The following TINAG variants were observed in gnomAD, a reference collection of about 807,000 sequenced individuals.
TINAG encodes the protein tubulointerstitial nephritis antigen.
In TINAG, 83 loss-of-function variants were observed where a neutral mutation model predicts 72.7. That is an observed-to-expected ratio of 1.14 (90% confidence interval 0.96 to 1.37). TINAG has a LOEUF of 1.37. Ranked by LOEUF, TINAG falls within the 40% of genes most tolerant of loss-of-function variation. The pLI is 0.00. For synonymous variants in TINAG, 234 were observed against 189.9 expected (o/e 1.23, Z -1.91); for missense variants, 685 against 576.6 (o/e 1.19, Z -1.93).
At chr6:54,328,781 A>T (rs1784668343) in intron 4 of TINAG, among the ~76,000 whole-genome samples, 1 of 151,916 alleles carries the variant, frequency 6.6e-6, no homozygotes, top group Admixed American at 6.6e-5. Context: ...AACATAAATG[A>T]CCTGATGGAG....
intron 7 of TINAG, among the ~76,000 whole-genome samples, chr6:54,351,057 A>G (rs1429011344): frequency 6.6e-6 from 1 of 152,058 alleles, no homozygotes; most frequent in African/African-American, 2.4e-5. Flanking sequence ...GAAAAAAATT[A>G]GAGGTACTAG....
chr6:54,348,316 C>T (rs1222907748), intron 6 of TINAG, among the ~76,000 whole-genome samples: 2 of 152,076 alleles, frequency 1.3e-5, no homozygotes, highest in Non-Finnish European at 2.9e-5. Context: ...TGGGCTGATA[C>T]TTTCCTTGTG....
At chr6:54,311,320 A>T (rs1042077798) in intron 1 of TINAG, among the ~76,000 whole-genome samples, 1 of 152,096 alleles carries the variant, frequency 6.6e-6, no homozygotes, top group African/African-American at 2.4e-5. Context: ...GTGGGTGGAC[A>T]CCTAAGTTGT....
At chr6:54,389,502 A>G (rs945548895) in intron 10 of TINAG, among the ~76,000 whole-genome samples, 1 of 152,198 alleles carries the variant, frequency 6.6e-6, no homozygotes, top group Non-Finnish European at 1.5e-5. Flanking sequence ...CTATAACTGC[A>G]GCTTGCATGC....
At chr6:54,343,905 AATT>A (rs1249567357) in intron 5 of TINAG, among the ~76,000 whole-genome samples, 1 of 152,134 alleles carries the variant, frequency 6.6e-6, no homozygotes, top group Non-Finnish European at 1.5e-5. Flanking sequence ...ATAGCTTCTA[AATT>A]AAGTCTACTG....
chr6:54,388,164 T>C (rs1288661354), intron 10 of TINAG, among the ~76,000 whole-genome samples: 1 of 152,132 alleles, frequency 6.6e-6, no homozygotes, highest in Non-Finnish European at 1.5e-5. Flanking sequence ...ATTTGTTAGG[T>C]TGTGACTAAT....
Position 54,347,375 on chromosome 6 carries a change from G to T in TINAG, c.757G>T (p.Ala253Ser), listed in dbSNP as rs763918929. Residue 253 changes from alanine to serine, a missense_variant, in exon 6 of 11, where the codon GCT becomes TCT. Transcript: ENST00000259782. Reference sequence around the variant, plus strand: ...TATTCTATTTGAAACAGGTGTGGCTGCTGACCGAATAGCAATTCAGTCTAA... The same window carrying T: ...TATTCTATTTGAAACAGGTGTGGCTTCTGACCGAATAGCAATTCAGTCTAA... ...SWAFSTASVAADRIAIQSKGR... is the reference protein window; with the variant it reads ...SWAFSTASVASDRIAIQSKGR... 4 of 1,612,438 alleles carry T rather than the reference G, an allele frequency of 2.5e-6. No homozygotes were observed. Among genetic ancestry groups the T allele is most frequent in the Non-Finnish European group, 3.4e-6 (4 of 1,179,146 alleles).
chr6:54,365,590 A>C (rs1420151216), intron 9 of TINAG: 1 of 151,592 alleles, frequency 6.6e-6, no homozygotes, highest in Non-Finnish European at 1.5e-5. Context: ...CTCAGAAACA[A>C]TCCACAACTC....
chr6:54,331,580 T>C (rs1274931196), intron 4 of TINAG, among the ~76,000 whole-genome samples: 2 of 152,228 alleles, frequency 1.3e-5, no homozygotes. Context: ...ACCACTTTTA[T>C]TCAACATAGT....
At position 54,326,882 on chromosome 6, in the gene TINAG, C is replaced by A. The variant is rs745676068; in HGVS notation, c.590C>A (p.Pro197His). 1 of 1,612,742 alleles carries A rather than the reference C, an allele frequency of 6.2e-7. No homozygotes were observed. The highest frequency in any genetic ancestry group is 8.5e-7 in the Non-Finnish European group (1 of 1,179,780). Residue 197 changes from proline to histidine, a missense_variant, in exon 4 of 11, where the codon CCT (proline) becomes CAT (histidine). By Grantham distance (77) the Pro-to-His change is moderately conservative. Transcript: ENST00000259782. ...GFKFRLGTLP[P>H]SPMLLSMNEM... is the part of the protein sequence containing the mutation. ...AAATTTCGCCTTGGCACTTTGCCAC[C>A]TAGTCCCATGCTCCTGAGCATGAAT...
intron 10 of TINAG, among the ~76,000 whole-genome samples, chr6:54,388,434 G>A (rs1401772070): frequency 6.6e-6 from 1 of 152,138 alleles, no homozygotes; most frequent in Non-Finnish European, 1.5e-5. Context: ...ATAAAAATTG[G>A]CTATTTCTTA....
intron 4 of TINAG, among the ~76,000 whole-genome samples, chr6:54,338,719 C>CAAA (rs57231980): frequency 8.8e-4 from 50 of 56,946 alleles, no homozygotes; most frequent in Non-Finnish European, 1.2e-3. Flanking sequence ...GACTCTGTCT[C>CAAA]AAAAAAAAAA....
In TINAG at chr6:54,326,759, C is replaced by A. The variant is rs781047869; in HGVS notation, c.510-43C>A. The A allele has an allele frequency of 2.9e-6, 4 of 1,392,710 alleles. No individual in the cohort carries two copies. In the South Asian group the frequency reaches 4.0e-5, roughly 14 times the overall value. 86.3% of individuals were successfully genotyped at this position (1,392,710 alleles called of 1,614,324 possible). The stretch of plus-strand genomic sequence containing the variant: ...TATTTATAAAAGTGATGTCATATAA[C>A]CTGTATATATTTTTCTATATTTTTC... On this transcript the variant is annotated intron_variant, in intron 3 of 10. Transcript: ENST00000259782.
intron 6 of TINAG, 80 bp downstream of exon 6, chr6:54,347,597 T>G (rs1582727136): frequency 6.8e-7 from 1 of 1,473,734 alleles, no homozygotes; most frequent in East Asian, 2.4e-5. Flanking sequence ...AATCCCAAGA[T>G]TTTTACAAAA....
chr6:54,343,398 C>T, intron 5 of TINAG, 49 bp downstream of exon 5: 2 of 1,381,552 alleles, frequency 1.4e-6, no homozygotes, highest in Non-Finnish European at 1.9e-6. Context: ...CCTTTTGGCT[C>T]TAGAGACTGA....
At chr6:54,325,603 A>G (rs1187288145) in intron 3 of TINAG, among the ~76,000 whole-genome samples, 2 of 152,170 alleles carry the variant, frequency 1.3e-5, no homozygotes, top group East Asian at 3.9e-4. Flanking sequence ...CCTATCTTCT[A>G]TTTTACTTTC....
At chr6:54,349,181 C>T (rs141020901) in intron 6 of TINAG, among the ~76,000 whole-genome samples, 95 of 151,560 alleles carry the variant, frequency 6.3e-4, no homozygotes, top group East Asian at 2.5e-3. Context: ...CAAAGTATCA[C>T]GAACTACAGA....
At chr6:54,354,133 C>T (rs2150962512) in intron 8 of TINAG, among the ~76,000 whole-genome samples, 1 of 151,880 alleles carries the variant, frequency 6.6e-6, no homozygotes, top group East Asian at 1.9e-4. Context: ...CTAGGCTCTG[C>T]TAGCTTAATT....
chr6:54,343,473 T>A, intron 5 of TINAG, 124 bp downstream of exon 5: 1 of 973,700 alleles, frequency 1.0e-6, no homozygotes, highest in African/African-American at 1.7e-5. Context: ...AAATAAAATC[T>A]CATTATGATG....
Sources: allele counts gnomAD v4.1 joint callset (sites outside exome capture counted in the v4.1 genomes callset), GRCh38; gene constraint gnomAD v4.1.1; transcripts MANE v1.5; gene names NCBI Gene and HGNC (gene_info 2026-07-23, HGNC 2026-07-21).